Variants in PTPRD observed in about 807,000 individuals in gnomAD.
PTPRD encodes protein tyrosine phosphatase receptor type D.
Under a neutral mutation model 214.5 loss-of-function variants are expected in PTPRD, and 34 were observed. The ratio of observed to expected loss-of-function variants is 0.16; its 90% CI spans 0.12 to 0.21. The LOEUF (loss-of-function observed/expected upper bound fraction) is 0.21, where lower values mean the gene tolerates loss of function less well. Ranked by LOEUF, PTPRD falls within the 10% of genes least tolerant of loss-of-function variation. PTPRD has a pLI of 1.00. For missense variants in PTPRD, 2,545 were observed against 2,398.7 expected, an observed-to-expected ratio of 1.06 and a Z score of -1.27; for synonymous variants, 1,128 against 845.7, an observed-to-expected ratio of 1.33 and a Z score of -5.79.
chr9:8,550,410 T>C (rs1036976858), intron 14 of PTPRD, among the ~76,000 whole-genome samples: 4 of 152,210 alleles, frequency 2.6e-5, no homozygotes, highest in Non-Finnish European at 5.9e-5. Context: ...CTGCTACTAC[T>C]AGATTGTATG....
rs148882831 is a variant in PTPRD, at chr9:8,473,713, C to T, written c.3414-2628G>A. The stretch of plus-strand genomic sequence containing the variant: ...AAAAAAAAATCCATTCTTTCTTCGG[C>T]AGCACTCCCCCACTATTCATTTTAC... On this transcript the variant is annotated intron_variant, in intron 30 of 45. Transcript: ENST00000381196. Among the ~76,000 whole-genome samples the T allele has an allele frequency of 3.5e-3, 531 of 152,204 alleles. 6 individuals are homozygous for T. Among genetic ancestry groups the T allele is most frequent in the Admixed American group, 0.032 (493 of 15,288 alleles).
intron 11 of PTPRD, among the ~76,000 whole-genome samples, chr9:8,917,558 C>T (rs553619722): frequency 8.5e-4 from 129 of 152,226 alleles, no homozygotes; most frequent in African/African-American, 3.1e-3. Flanking sequence ...CTACATATCT[C>T]ATCTCTGGTT....
intron 10 of PTPRD, among the ~76,000 whole-genome samples, chr9:9,178,535 G>T (rs758299980): frequency 4.6e-5 from 7 of 151,940 alleles, no homozygotes; most frequent in Non-Finnish European, 1.0e-4. Flanking sequence ...CATGGCCTGG[G>T]GTCTTTACAG....
At chr9:10,440,100 G>T (rs1450442085) in intron 2 of PTPRD, among the ~76,000 whole-genome samples, 5 of 151,174 alleles carry the variant, frequency 3.3e-5, no homozygotes, top group South Asian at 2.1e-4. Context: ...TACATAAATG[G>T]TTAAAAAATC....
chr9:8,740,444 T>A (rs2091631813), intron 11 of PTPRD, among the ~76,000 whole-genome samples: 1 of 152,190 alleles, frequency 6.6e-6, no homozygotes, highest in Non-Finnish European at 1.5e-5. Context: ...TCGATTAATA[T>A]TAGCGAGGGA....
In PTPRD at chr9:10,595,756, G is replaced by C. The variant is rs1038021368; in HGVS notation, c.-600+16642C>G. Among the ~76,000 whole-genome samples, 10 of 151,630 alleles carry C rather than the reference G, an allele frequency of 6.6e-5. No individual in the cohort carries two copies. The Middle Eastern group carries it at 0.024, about 363-fold the overall frequency. On this transcript the variant is annotated intron_variant, in intron 2 of 45. Coordinates refer to ENST00000381196, the MANE Select transcript of PTPRD (RefSeq NM_002839.4). ...AAGTGGATTTTAAAATAATCTTTCT[G>C]TAAGCTCTAACACTTTACTAGTGGG...
At chr9:10,131,418 C>T (rs997904886) in intron 3 of PTPRD, among the ~76,000 whole-genome samples, 1 of 152,098 alleles carries the variant, frequency 6.6e-6, no homozygotes, top group Non-Finnish European at 1.5e-5. Context: ...CCTGTATTGT[C>T]AAGTGCTTAA....
intron 6 of PTPRD, among the ~76,000 whole-genome samples, chr9:9,752,880 T>G (rs191048778): frequency 6.6e-6 from 1 of 152,180 alleles, no homozygotes; most frequent in East Asian, 1.9e-4. Flanking sequence ...ATTTGCATTA[T>G]ATAATAAAAC....
intron 6 of PTPRD, among the ~76,000 whole-genome samples, chr9:9,746,815 G>GT (rs35142513): frequency 0.016 from 1,957 of 125,148 alleles, 18 homozygotes; most frequent in East Asian, 0.044. Context: ...TGCTTGAAAA[G>GT]TTTTTTTTTT....
chr9:8,628,390 A>G (rs777095455), intron 14 of PTPRD, among the ~76,000 whole-genome samples: 1 of 151,848 alleles, frequency 6.6e-6, no homozygotes, highest in Non-Finnish European at 1.5e-5. Flanking sequence ...CAGACATATT[A>G]TGCAAACATT....
At chr9:9,781,777 C>T (rs2098844760) in intron 5 of PTPRD, among the ~76,000 whole-genome samples, 1 of 150,166 alleles carries the variant, frequency 6.7e-6, no homozygotes, top group African/African-American at 2.5e-5. Context: ...TTTTGACTAA[C>T]ATTTTTTGTC....
At chr9:10,498,495 A>G (rs1023889295) in intron 2 of PTPRD, among the ~76,000 whole-genome samples, 1 of 149,598 alleles carries the variant, frequency 6.7e-6, no homozygotes, top group Non-Finnish European at 1.5e-5. Flanking sequence ...CTGGGTCAAA[A>G]CAGGTCACAT....
chr9:9,676,045 TTAAG>T (rs2096922306), intron 7 of PTPRD, among the ~76,000 whole-genome samples: 1 of 152,224 alleles, frequency 6.6e-6, no homozygotes, highest in Admixed American at 6.6e-5. Flanking sequence ...CATGAACAGA[TTAAG>T]TAATAAAATG....
At chr9:8,529,196 G>C (rs1202916818) in intron 14 of PTPRD, among the ~76,000 whole-genome samples, 2 of 152,088 alleles carry the variant, frequency 1.3e-5, no homozygotes, top group Non-Finnish European at 2.9e-5. Flanking sequence ...CACAAGTGTA[G>C]GCATTGAGGT....
chr9:8,329,577 C>T (rs560712688), intron 44 of PTPRD, among the ~76,000 whole-genome samples: 7 of 152,220 alleles, frequency 4.6e-5, no homozygotes, highest in African/African-American at 1.4e-4. Flanking sequence ...TCAGAGCTGC[C>T]AGGTGGGGAT....
intron 7 of PTPRD, among the ~76,000 whole-genome samples, chr9:9,643,831 T>A (rs1012491506): frequency 1.1e-4 from 17 of 152,168 alleles, no homozygotes; most frequent in African/African-American, 4.1e-4. Context: ...CCAAACATAA[T>A]AAATCCTAGT....
intron 9 of PTPRD, among the ~76,000 whole-genome samples, chr9:9,208,132 A>G (rs893624293): frequency 6.8e-6 from 1 of 147,238 alleles, no homozygotes; most frequent in Non-Finnish European, 1.5e-5. Context: ...CTCCTGTCTC[A>G]GCCTCCGGAG....
intron 9 of PTPRD, among the ~76,000 whole-genome samples, chr9:9,322,507 A>G (rs1030265009): frequency 1.3e-4 from 20 of 152,140 alleles, no homozygotes; most frequent in Admixed American, 2.6e-4. Flanking sequence ...ATACCATGCT[A>G]CTTCTCATAT....
At chr9:10,262,200 TG>T (rs1473135630) in intron 3 of PTPRD, among the ~76,000 whole-genome samples, 164 of 152,288 alleles carry the variant, frequency 1.1e-3, no homozygotes, top group African/African-American at 3.8e-3. Flanking sequence ...AAAATTAATT[TG>T]TGCTTTTCAA....
Sources: allele counts gnomAD v4.1 joint callset (sites outside exome capture counted in the v4.1 genomes callset), GRCh38; gene constraint gnomAD v4.1.1; transcripts MANE v1.5; gene names NCBI Gene and HGNC (gene_info 2026-07-23, HGNC 2026-07-21).